The following HPF1 variants were observed in gnomAD, a reference collection of about 807,000 sequenced individuals.
HPF1 encodes the protein UPF0609 protein C4orf27.
In HPF1, 35 loss-of-function variants were observed where a neutral mutation model predicts 38.8. The observed-to-expected ratio is 0.90, with a 90% CI of 0.69 to 1.19. The LOEUF (loss-of-function observed/expected upper bound fraction) is 1.19, where lower values mean the gene tolerates loss of function less well. HPF1 is among the 50% of genes most tolerant of loss of function. HPF1 has a pLI of 0.00. For missense variants in HPF1, 367 were observed against 405.8 expected (o/e 0.90, Z 0.82); for synonymous variants, 115 against 139.2 (o/e 0.83, Z 1.22).
At chr4:169,740,348 G>T (rs1416483192) in intron 5 of HPF1, among the ~76,000 whole-genome samples, 1 of 152,180 alleles carries the variant, frequency 6.6e-6, no homozygotes, top group Non-Finnish European at 1.5e-5. Context: ...TTGCAGATTT[G>T]TTGTAGGGAG....
chr4:169,733,894 C>CAAA (rs35974645), intron 6 of HPF1, among the ~76,000 whole-genome samples: 3 of 122,354 alleles, frequency 2.5e-5, no homozygotes, highest in Admixed American at 8.0e-5. Context: ...GACCCTGTCT[C>CAAA]AAAAAAAAAA....
intron 4 of HPF1, among the ~76,000 whole-genome samples, chr4:169,743,236 A>T (rs1370986587): frequency 1.3e-5 from 2 of 151,228 alleles, no homozygotes; most frequent in Non-Finnish European, 2.9e-5. Flanking sequence ...CAGCCTCCCG[A>T]GTAGCTGGGA....
intron 7 of HPF1, among the ~76,000 whole-genome samples, chr4:169,730,386 G>T (rs1157231920): frequency 6.6e-6 from 1 of 152,196 alleles, no homozygotes; most frequent in Non-Finnish European, 1.5e-5. Context: ...TATGGCTAGG[G>T]CCTCTCTAGC....
At chr4:169,741,800 T>C (rs1733972772) in intron 5 of HPF1, among the ~76,000 whole-genome samples, 157 bp downstream of exon 5, 1 of 152,124 alleles carries the variant, frequency 6.6e-6, no homozygotes, top group South Asian at 2.1e-4. Context: ...TTCAGTGCCA[T>C]CCTCTTTCAG....
chr4:169,730,915 G>A (rs1455956917), intron 7 of HPF1, among the ~76,000 whole-genome samples: 3 of 152,200 alleles, frequency 2.0e-5, no homozygotes, highest in Non-Finnish European at 2.9e-5. Flanking sequence ...GTGTGAACCT[G>A]GGCAAGATGC....
chr4:169,757,856 G>A lies in HPF1; in HGVS notation c.22C>T (p.Arg8Cys). 1.3e-6 allele frequency: 2 copies of A among 1,564,540 alleles called. No homozygotes were observed. Among genetic ancestry groups the A allele is most frequent in the African/African-American group, 1.4e-5 (1 of 73,882 alleles). The part of the protein sequence containing the change: MVGGGGK[R>C]RPGGEGPQCE... The stretch of plus-strand genomic sequence containing the variant: ...TGCGGCCCCTCTCCGCCGGGCCTGC[G>A]CTTCCCGCCACCGCCGACCATTCTG... The change falls in exon 1 of 8, where the codon CGC becomes TGC. Residue 8 changes from arginine to cysteine, a missense_variant. Physicochemically the swap from Arg to Cys is radical, Grantham distance 180. Coordinates refer to ENST00000393381, the MANE Select transcript of HPF1 (RefSeq NM_017867.3).
chr4:169,750,773 A>G (rs1345594619), intron 2 of HPF1, 48 bp from the exon 3 acceptor site: 1 of 1,345,180 alleles, frequency 7.4e-7, no homozygotes, highest in African/African-American at 1.5e-5. Context: ...ACAGGTAGGA[A>G]ATAATGCTTT....
intron 4 of HPF1, among the ~76,000 whole-genome samples, chr4:169,742,714 C>A (rs1364653496): frequency 6.6e-6 from 1 of 152,170 alleles, no homozygotes; most frequent in Admixed American, 6.5e-5. Context: ...ACGGCGTGAA[C>A]CCGGGAGGCA....
intron 1 of HPF1, among the ~76,000 whole-genome samples, chr4:169,755,035 A>G (rs1734169594): frequency 6.6e-6 from 1 of 150,628 alleles, no homozygotes; most frequent in Non-Finnish European, 1.5e-5. Context: ...CGTCATTATT[A>G]GGTATATCTC....
At position 169,729,471 on chromosome 4, in the gene HPF1, A is replaced by T; in HGVS notation, c.*107T>A. 3 of 1,022,524 alleles carry T rather than the reference A, an allele frequency of 2.9e-6. No homozygotes were observed. The South Asian group carries it at 1.1e-4, about 36-fold the overall frequency. The allele number at this position is 1,022,524 out of a possible 1,614,324, so 63.3% of individuals were successfully genotyped here. Reference sequence around the variant, plus strand: ...AAAACCAGGCAGAAGAACCTTATAAACGTTTTTAGTAAATGTTTATTTTTT... The same window carrying T: ...AAAACCAGGCAGAAGAACCTTATAATCGTTTTTAGTAAATGTTTATTTTTT... On this transcript the variant is annotated 3_prime_UTR_variant, in exon 8 of 8. Coordinates refer to ENST00000393381, the MANE Select transcript of HPF1 (RefSeq NM_017867.3).
rs72696699 is a variant in HPF1 at position 169,747,287 on chromosome 4, T to C, written c.497+1457A>G. On this transcript the variant is annotated intron_variant, in intron 4 of 7. Coordinates refer to ENST00000393381, the MANE Select transcript of HPF1 (RefSeq NM_017867.3). ...AATCCAAAGAGTTTAAAAGAAGTTA[T>C]AAATTACAAATACCAAGTAACATTT... is the stretch of plus-strand genomic sequence containing the variant. Among the ~76,000 whole-genome samples, 697 of 151,962 alleles carry C rather than the reference T, an allele frequency of 4.6e-3. 7 individuals are homozygous for C. Among genetic ancestry groups the C allele is most frequent in the South Asian group, 0.032 (152 of 4,796 alleles).
chr4:169,756,851 C>A (rs545459597), intron 1 of HPF1, among the ~76,000 whole-genome samples: 1 of 152,340 alleles, frequency 6.6e-6, no homozygotes, highest in South Asian at 2.1e-4. Context: ...AGTTCAGCAT[C>A]TCCATAGCCC....
At chr4:169,736,870 T>C (rs760103795) in intron 6 of HPF1, among the ~76,000 whole-genome samples, 1 of 152,202 alleles carries the variant, frequency 6.6e-6, no homozygotes, top group African/African-American at 2.4e-5. Context: ...TAATTCTCGA[T>C]GTTTAACGTA....
intron 4 of HPF1, among the ~76,000 whole-genome samples, chr4:169,748,418 T>C (rs1581321331): frequency 6.6e-6 from 1 of 152,168 alleles, no homozygotes; most frequent in East Asian, 1.9e-4. Context: ...TCACTCAGGC[T>C]GCAATGCAGT....
At chr4:169,743,465 C>A (rs1342232216) in intron 4 of HPF1, among the ~76,000 whole-genome samples, 1 of 116,242 alleles carries the variant, frequency 8.6e-6, no homozygotes, top group Admixed American at 1.1e-4. Context: ...ACTATTATAA[C>A]ACTAAAGGTC....
chr4:169,743,105 A>C (rs77284019), intron 4 of HPF1, among the ~76,000 whole-genome samples: 15 of 151,532 alleles, frequency 9.9e-5, no homozygotes, highest in East Asian at 1.9e-4. Context: ...AAAAAAAAAA[A>C]CAAAAAACTG....
intron 5 of HPF1, among the ~76,000 whole-genome samples, chr4:169,740,873 T>G (rs1004137252): frequency 4.6e-5 from 7 of 152,212 alleles, no homozygotes; most frequent in African/African-American, 1.7e-4. Flanking sequence ...ATTAAATAAT[T>G]TGCTAACAGC....
In HPF1 at chr4:169,737,701, TCTAC is replaced by T. The variant is rs765731554; in HGVS notation, c.691_694del (p.Val231IlefsTer24). Reference sequence around the variant, plus strand: ...CTCTCGGTACCCAACATCATTTTTATCTACTGGAACAACCAAGCCTGCACCATGA... The same window carrying T: ...CTCTCGGTACCCAACATCATTTTTATTGGAACAACCAAGCCTGCACCATGA... On this transcript the variant is annotated frameshift_variant, in exon 6 of 8. Transcript: ENST00000393381. LOFTEE classifies it high-confidence loss of function. The T allele has an allele frequency of 1.2e-6, 2 of 1,612,872 alleles. No homozygotes were observed. The highest frequency in any genetic ancestry group is 2.7e-5 in the African/African-American group (2 of 74,838).
At chr4:169,733,894 CA>C (rs35974645) in intron 6 of HPF1, among the ~76,000 whole-genome samples, 75,709 of 122,356 alleles carry the variant, frequency 0.62, 24,290 homozygotes, top group East Asian at 0.83. Flanking sequence ...GACCCTGTCT[CA>C]AAAAAAAAAA....
Sources: allele counts gnomAD v4.1 joint callset (sites outside exome capture counted in the v4.1 genomes callset), GRCh38; gene constraint gnomAD v4.1.1; transcripts MANE v1.5; gene names NCBI Gene and HGNC (gene_info 2026-07-23, HGNC 2026-07-21).